Variants in LDAH observed in about 807,000 individuals in gnomAD.
The protein encoded by LDAH is lipid droplet associated hydrolase.
In LDAH, 26 loss-of-function variants were observed where a neutral mutation model predicts 29.6. That is an observed-to-expected ratio of 0.88 (90% CI 0.64 to 1.22). The LOEUF (loss-of-function observed/expected upper bound fraction) is 1.22, where lower values mean the gene tolerates loss of function less well. Ranked by LOEUF, LDAH falls within the 50% of genes most tolerant of loss-of-function variation. The pLI, the probability that LDAH is intolerant of heterozygous loss-of-function variation, is 0.00. For synonymous variants in LDAH, 117 were observed against 133.0 expected (o/e 0.88, Z 0.83); for missense variants, 344 against 387.3 (o/e 0.89, Z 0.94).
chr2:20,815,885 T>A (rs560468067), intron 1 of LDAH, among the ~76,000 whole-genome samples: 1 of 152,152 alleles, frequency 6.6e-6, no homozygotes, highest in Non-Finnish European at 1.5e-5. Flanking sequence ...CTATTCTTCA[T>A]CTTATGAGTT....
intron 3 of LDAH, among the ~76,000 whole-genome samples, chr2:20,783,254 T>C (rs1220632423): frequency 6.6e-6 from 1 of 152,216 alleles, no homozygotes; most frequent in Non-Finnish European, 1.5e-5. Context: ...TCTATCTTGG[T>C]GAATGCTCCA....
chr2:20,693,862 C>T (rs1000169844), intron 6 of LDAH, among the ~76,000 whole-genome samples: 9 of 152,234 alleles, frequency 5.9e-5, no homozygotes, highest in African/African-American at 9.6e-5. Flanking sequence ...TGGCAGCTTA[C>T]GCTGCATGGC....
chr2:20,763,501 T>C (rs1397734370), intron 4 of LDAH, among the ~76,000 whole-genome samples: 1 of 152,254 alleles, frequency 6.6e-6, no homozygotes, highest in Non-Finnish European at 1.5e-5. Flanking sequence ...ACAGGTGCTG[T>C]TGATACTACT....
At chr2:20,787,380 G>A (rs779924310) in intron 3 of LDAH, among the ~76,000 whole-genome samples, 1 of 151,982 alleles carries the variant, frequency 6.6e-6, no homozygotes, top group African/African-American at 2.4e-5. Context: ...TGCAACCTCT[G>A]CCTCCAAGGT....
At chr2:20,788,969 A>G (rs1219944739) in intron 3 of LDAH, 13 of 647,560 alleles carry the variant, frequency 2.0e-5, no homozygotes, top group African/African-American at 7.4e-5. Flanking sequence ...CCATTTAGAA[A>G]CCTTCCAGCA....
intron 5 of LDAH, among the ~76,000 whole-genome samples, chr2:20,719,232 T>C (rs1375506930): frequency 6.6e-6 from 1 of 150,480 alleles, no homozygotes; most frequent in East Asian, 1.9e-4. Context: ...AAGTTTTTTT[T>C]TTTTTTTTAA....
intron 4 of LDAH, among the ~76,000 whole-genome samples, chr2:20,745,482 C>T (rs113345755): frequency 6.6e-6 from 1 of 152,044 alleles, no homozygotes; most frequent in African/African-American, 2.4e-5. Flanking sequence ...AAGTCCTTTG[C>T]CCATTTTTAA....
chr2:20,716,725 T>C (rs1665228453), intron 5 of LDAH, among the ~76,000 whole-genome samples: 1 of 142,920 alleles, frequency 7.0e-6, no homozygotes, highest in African/African-American at 2.5e-5. Flanking sequence ...TTTAAGTATA[T>C]ATACATATAT....
intron 5 of LDAH, among the ~76,000 whole-genome samples, chr2:20,718,352 G>A (rs1665394188): frequency 6.6e-6 from 1 of 151,940 alleles, no homozygotes; most frequent in African/African-American, 2.4e-5. Context: ...TTTAAAAAGA[G>A]CAGGAATAGC....
intron 4 of LDAH, among the ~76,000 whole-genome samples, chr2:20,753,324 A>T (rs1298150856): frequency 6.6e-6 from 1 of 152,214 alleles, no homozygotes; most frequent in African/African-American, 2.4e-5. Flanking sequence ...TACTAGGTTG[A>T]CTTGGGCCCA....
intron 4 of LDAH, among the ~76,000 whole-genome samples, chr2:20,765,242 A>G (rs1668948841): frequency 6.6e-6 from 1 of 152,150 alleles, no homozygotes; most frequent in South Asian, 2.1e-4. Flanking sequence ...CTCTCAGCAT[A>G]TGTTAAATTC....
chr2:20,736,031 G>A (rs573857512), intron 5 of LDAH, among the ~76,000 whole-genome samples: 1 of 152,144 alleles, frequency 6.6e-6, no homozygotes, highest in East Asian at 1.9e-4. Flanking sequence ...GGAAAGAGAG[G>A]GGGTGCTTCA....
intron 3 of LDAH, among the ~76,000 whole-genome samples, chr2:20,785,943 C>T (rs536629060): frequency 3.9e-5 from 6 of 152,246 alleles, no homozygotes; most frequent in Middle Eastern, 6.8e-3. Context: ...GAGTTCTCAA[C>T]GTAGTAATCA....
chr2:20,714,289 A>C (rs773134998), intron 5 of LDAH, among the ~76,000 whole-genome samples: 4 of 152,178 alleles, frequency 2.6e-5, no homozygotes, highest in Admixed American at 6.5e-5. Flanking sequence ...CTACTGGGTA[A>C]ATAATGAAAT....
chr2:20,817,054 G>A (rs1268244505), intron 1 of LDAH, among the ~76,000 whole-genome samples: 8 of 151,964 alleles, frequency 5.3e-5, no homozygotes, highest in African/African-American at 1.7e-4. Context: ...TTTGTGAGAT[G>A]CAACAAAAGC....
rs1244807490 is a variant in LDAH at position 20,685,777 on chromosome 2, A to T, written c.*1126T>A. ...GTCAGCCCACTCTAGGCCAGGGAAT[A>T]TGTGTCTTCTCTGCCATACCTCAAT... On this transcript the variant is annotated 3_prime_UTR_variant, in exon 7 of 7. Transcript: ENST00000237822. 2 of 1,236,228 alleles carry T rather than the reference A, an allele frequency of 1.6e-6. No individual in the cohort carries two copies. Among genetic ancestry groups the T allele is most frequent in the Admixed American group, 2.6e-5 (1 of 38,024 alleles). 76.6% of individuals were successfully genotyped at this position (1,236,228 alleles called of 1,614,324 possible).
At chr2:20,773,348 A>C (rs1669562579) in intron 4 of LDAH, among the ~76,000 whole-genome samples, 1 of 152,118 alleles carries the variant, frequency 6.6e-6, no homozygotes, top group African/African-American at 2.4e-5. Flanking sequence ...ATTGGAACCT[A>C]GGTGTCCTGA....
At chr2:20,714,573 A>G (rs1418703530) in intron 5 of LDAH, among the ~76,000 whole-genome samples, 1 of 152,226 alleles carries the variant, frequency 6.6e-6, no homozygotes, top group Admixed American at 6.5e-5. Context: ...AAACCCTTCA[A>G]AAAATCAATG....
intron 3 of LDAH, among the ~76,000 whole-genome samples, chr2:20,787,592 C>G (rs945452930): frequency 4.6e-5 from 7 of 152,182 alleles, no homozygotes; most frequent in African/African-American, 1.7e-4. Context: ...CCACACTTAG[C>G]CTCAGCTTTT....
Sources: gnomAD v4.1 joint callset for allele counts (sites outside exome capture counted in the v4.1 genomes callset) on GRCh38, gnomAD v4.1.1 for gene constraint, MANE v1.5 for transcripts, NCBI Gene and HGNC (gene_info 2026-07-23, HGNC 2026-07-21) for gene names.